The following PACS2 variants were observed in gnomAD, a reference collection of about 807,000 sequenced individuals.
PACS2 encodes the protein phosphofurin acidic cluster sorting protein 2.
Under a neutral mutation model 113.0 loss-of-function variants are expected in PACS2, and 36 were observed. That is an observed-to-expected ratio of 0.32 (90% confidence interval 0.24 to 0.42). The LOEUF (loss-of-function observed/expected upper bound fraction) is 0.42. Ranked by LOEUF, PACS2 falls within the 10% of genes least tolerant of loss-of-function variation. The pLI is 1.00. For missense variants in PACS2, 1,015 were observed against 1,239.5 expected (o/e 0.82, Z 2.72); for synonymous variants, 589 against 536.1 (o/e 1.10, Z -1.36).
intron 4 of PACS2, among the ~76,000 whole-genome samples, chr14:105,360,334 G>A (rs1254002722): frequency 1.1e-4 from 17 of 152,064 alleles, no homozygotes; most frequent in African/African-American, 4.1e-4. Flanking sequence ...GAGGTCAGGT[G>A]TTCGAAACCA....
intron 2 of PACS2, among the ~76,000 whole-genome samples, chr14:105,350,992 A>T (rs2060152953): frequency 6.6e-6 from 1 of 152,170 alleles, no homozygotes. Context: ...ATGGAGCCCG[A>T]GTACGGCCAT....
At chr14:105,345,606 T>A (rs1330405237) in intron 1 of PACS2, among the ~76,000 whole-genome samples, 2 of 152,180 alleles carry the variant, frequency 1.3e-5, no homozygotes, top group Non-Finnish European at 2.9e-5. Flanking sequence ...TAGGTTTTTG[T>A]TTTTTAGTTT....
intron 1 of PACS2, among the ~76,000 whole-genome samples, chr14:105,305,819 C>A (rs780211012): frequency 6.6e-6 from 1 of 152,262 alleles, no homozygotes; most frequent in East Asian, 1.9e-4. Context: ...CCTCAGAGCA[C>A]CCACACTGGG....
intron 2 of PACS2, among the ~76,000 whole-genome samples, chr14:105,349,881 G>T (rs1158834648): frequency 1.3e-5 from 2 of 148,692 alleles, no homozygotes; most frequent in Non-Finnish European, 2.9e-5. Flanking sequence ...GGAGAGCGTG[G>T]CTAATAGCAG....
intron 1 of PACS2, among the ~76,000 whole-genome samples, chr14:105,319,335 C>T (rs757247605): frequency 5.3e-5 from 8 of 152,200 alleles, no homozygotes; most frequent in South Asian, 4.1e-4. Context: ...GGAGAATTGA[C>T]GTTTGTGTGG....
Position 105,354,726 on chromosome 14 carries a change from C to T in PACS2, c.298-326C>T, listed in dbSNP as rs782075252. Among the ~76,000 whole-genome samples the T allele has an allele frequency of 2.6e-5, 4 of 152,220 alleles. No individual in the cohort carries two copies. Among genetic ancestry groups the T allele is most frequent in the African/African-American group, 9.6e-5 (4 of 41,454 alleles). On this transcript the variant is annotated intron_variant, in intron 3 of 24. Transcript: ENST00000447393. The surrounding 1 kb of genome is among the most constrained non-coding windows in gnomAD (Gnocchi z 4.2). Reference sequence around the variant, plus strand: ...GGCACATGAGCCGCCACACTGTTTCCGAGTGTCCACAGGCGCGCTCGGCCA... The same window carrying T: ...GGCACATGAGCCGCCACACTGTTTCTGAGTGTCCACAGGCGCGCTCGGCCA...
Position 105,365,991 on chromosome 14 carries a change from T to G in PACS2, c.424-1222T>G, listed in dbSNP as rs782112385. Among the ~76,000 whole-genome samples, 1 of 152,222 alleles carries G rather than the reference T, an allele frequency of 6.6e-6. No individual in the cohort carries two copies. The highest frequency in any genetic ancestry group is 1.5e-5 in the Non-Finnish European group (1 of 68,034). The stretch of plus-strand genomic sequence containing the variant: ...TGAAGATGAGGGCAAATGTAAACTT[T>G]TAAACATTTTTTTACCTTGATTAAT... On this transcript the variant is annotated intron_variant, in intron 4 of 24. Transcript: ENST00000447393. The surrounding 1 kb of genome is among the most constrained non-coding windows in gnomAD (Gnocchi z 5.1).
At chr14:105,341,237 C>T (rs1417452173) in intron 1 of PACS2, among the ~76,000 whole-genome samples, 2 of 152,206 alleles carry the variant, frequency 1.3e-5, no homozygotes, top group African/African-American at 4.8e-5. Flanking sequence ...CTGTATGCCT[C>T]TCGCTTCTCT....
rs782135452 is a variant in PACS2 at position 105,355,113 on chromosome 14, G to A, written c.359G>A (p.Arg120His). ...CAGATCATGCTGCAGCGCAGAAAGCGCTACAAGAACAGAACCATCCTGGGC... is the reference window on the plus strand; with the variant it reads ...CAGATCATGCTGCAGCGCAGAAAGCACTACAAGAACAGAACCATCCTGGGC... ...KLQIMLQRRKRYKNRTILGYK... is the reference protein window; with the variant it reads ...KLQIMLQRRKHYKNRTILGYK... The change falls in exon 4 of 25, where the codon CGC (arginine) becomes CAC (histidine). Residue 120 changes from arginine to histidine, a missense_variant. Transcript: ENST00000447393. This position sits in a 1 kb window ranked among gnomAD's most constrained non-coding sequence, Gnocchi z 4.1. 3 of 1,613,650 alleles carry A rather than the reference G, an allele frequency of 1.9e-6. No homozygotes were observed. Among genetic ancestry groups the A allele is most frequent in the Non-Finnish European group, 2.5e-6 (3 of 1,179,910 alleles).
At chr14:105,367,427 T>G (rs782128878) in intron 5 of PACS2, 52 bp downstream of exon 5, 1 of 1,566,880 alleles carries the variant, frequency 6.4e-7, no homozygotes, top group African/African-American at 1.4e-5. Context: ...GGCCCTGCCT[T>G]CCAGCCATGG....
At chr14:105,392,496 C>G (rs1595192137) in intron 22 of PACS2, 123 bp from the exon 23 acceptor site, 7 of 801,470 alleles carry the variant, frequency 8.7e-6, no homozygotes, top group Admixed American at 2.2e-5. Context: ...GCACCCGGCC[C>G]TCCTCTGCTG....
intron 1 of PACS2, among the ~76,000 whole-genome samples, chr14:105,334,819 G>A (rs1028595235): frequency 2.0e-5 from 3 of 148,034 alleles, no homozygotes; most frequent in Admixed American, 6.6e-5. Context: ...CGTGCACTGC[G>A]GGGGGGAGCT....
chr14:105,311,669 C>G (rs1038131959), upstream of PACS2, among the ~76,000 whole-genome samples: 2 of 152,190 alleles, frequency 1.3e-5, no homozygotes, highest in Non-Finnish European at 2.9e-5. Context: ...GATTCCAGGC[C>G]TCACTCTCAG....
chr14:105,358,494 T>G lies in PACS2; in HGVS notation c.423+3317T>G, dbSNP rs2060541844. On this transcript the variant is annotated intron_variant, in intron 4 of 24. Transcript: ENST00000447393. This position sits in a 1 kb window ranked among gnomAD's most constrained non-coding sequence, Gnocchi z 4.9. ...CACCCCAGCACCCGTAGAGGGAGTG[T>G]GTAGGGGTGGGCGTTCGTGTGGCCA... is the stretch of plus-strand genomic sequence containing the variant. 6.6e-6 allele frequency among the ~76,000 whole-genome samples: 1 copy of G among 151,924 alleles called. No homozygotes were observed.
At position 105,394,057 on chromosome 14, in the gene PACS2, G is replaced by A. The variant is rs868909335; in HGVS notation, c.2597-497G>A. The stretch of plus-strand genomic sequence containing the variant: ...CGCCTCAAAAAAAAAAAAAAAAAAA[G>A]GGGTTTTGGAGAAGATACTCTGCAA... On this transcript the variant is annotated intron_variant, in intron 24 of 24. Transcript: ENST00000447393. Among the ~76,000 whole-genome samples the A allele has an allele frequency of 1.1e-4, 14 of 130,750 alleles. 1 individual carries two copies. Among genetic ancestry groups the A allele is most frequent in the African/African-American group, 6.0e-4 (14 of 23,516 alleles). The allele number at this position is 130,750 out of a possible 152,430, so 85.8% of individuals were successfully genotyped here.
rs1339582493 is a variant in PACS2, at chr14:105,358,405, G to A, written c.423+3228G>A. ...GGTGGTCCCTCTCAGAGGCAGCTCCGCAGAGGCAGGTGTGCGGTGGGGGCA... is the reference window on the plus strand; with the variant it reads ...GGTGGTCCCTCTCAGAGGCAGCTCCACAGAGGCAGGTGTGCGGTGGGGGCA... On this transcript the variant is annotated intron_variant, in intron 4 of 24. Transcript: ENST00000447393. This position sits in a 1 kb window ranked among gnomAD's most constrained non-coding sequence, Gnocchi z 4.9. Among the ~76,000 whole-genome samples the A allele has an allele frequency of 4.6e-5, 7 of 152,208 alleles. No homozygotes were observed. Among genetic ancestry groups the A allele is most frequent in the African/African-American group, 4.8e-5 (2 of 41,452 alleles).
chr14:105,333,538 T>C (rs1196448134), intron 1 of PACS2, among the ~76,000 whole-genome samples: 1 of 152,230 alleles, frequency 6.6e-6, no homozygotes, highest in African/African-American at 2.4e-5. Flanking sequence ...CTGGCTTTGC[T>C]GGGTCCCAGT....
intron 1 of PACS2, among the ~76,000 whole-genome samples, chr14:105,338,676 C>T (rs2059615513): frequency 6.6e-6 from 1 of 152,330 alleles, no homozygotes; most frequent in South Asian, 2.1e-4. Context: ...TGACTGTGAC[C>T]ATGTGCCTGT....
rs908801090 is a variant in PACS2, at chr14:105,317,838, C to T, written c.119+2801C>T. On this transcript the variant is annotated intron_variant, in intron 1 of 24. Coordinates refer to ENST00000447393, the MANE Select transcript of PACS2 (RefSeq NM_001100913.3). The surrounding 1 kb of genome is among the most constrained non-coding windows in gnomAD (Gnocchi z 4.2). ...TTCGGTTCTCCTTCTGGGAGGCAGC[C>T]GGAGAAGTCTGCCCCCGGGAGCTTG... Among the ~76,000 whole-genome samples the T allele has an allele frequency of 9.2e-5, 14 of 152,262 alleles. No individual in the cohort carries two copies. Among genetic ancestry groups the T allele is most frequent in the Middle Eastern group, 3.4e-3 (1 of 294 alleles).
Sources: allele counts gnomAD v4.1 joint callset (sites outside exome capture counted in the v4.1 genomes callset), GRCh38; gene constraint gnomAD v4.1.1; non-coding constraint Gnocchi (gnomAD v3.1); transcripts MANE v1.5; gene names NCBI Gene and HGNC (gene_info 2026-07-23, HGNC 2026-07-21).